The following SHANK2 variants were observed in gnomAD, a reference collection of about 807,000 sequenced individuals.
The protein encoded by SHANK2 is SH3 and multiple ankyrin repeat domains protein 2.
A neutral mutation model predicts 133.7 loss-of-function variants in SHANK2; 43 were observed. The ratio of observed to expected loss-of-function variants is 0.32; its 90% CI spans 0.25 to 0.41. SHANK2 has a LOEUF of 0.41. Among genes scored for constraint, SHANK2 ranks in the 10% least tolerant of loss-of-function variants. The probability of loss-of-function intolerance (pLI) is 1.00; values close to 1 mark genes in which losing one functional copy is unlikely to be tolerated. For missense variants in SHANK2, 1,994 were observed against 2,235.8 expected (o/e 0.89, Z 2.18); for synonymous variants, 1,017 against 952.8 (o/e 1.07, Z -1.24).
chr11:71,143,688 C>T (rs1357324667), intron 3 of SHANK2, among the ~76,000 whole-genome samples: 1 of 152,146 alleles, frequency 6.6e-6, no homozygotes, highest in Non-Finnish European at 1.5e-5. Flanking sequence ...CCACTGAGGC[C>T]TGCCTGAGAG....
Position 70,471,349 on chromosome 11 carries a change from T to C in SHANK2, c.*1520A>G, listed in dbSNP as rs571123287. 2.0e-5 allele frequency: 8 copies of C among 399,010 alleles called. No individual in the cohort carries two copies. The highest frequency in any genetic ancestry group is 1.8e-4 in the East Asian group (5 of 28,078). 24.7% of individuals were successfully genotyped at this position (399,010 alleles called of 1,614,324 possible). ...AATAATAAAACCAAAAACCTGACAT[T>C]CGAGTATCCTCCAAATGGGGGAGAA... is the stretch of plus-strand genomic sequence containing the variant. On this transcript the variant is annotated 3_prime_UTR_variant, in exon 26 of 26. Transcript: ENST00000601538. The surrounding 1 kb of genome is among the most constrained non-coding windows in gnomAD (Gnocchi z 4.1).
intron 17 of SHANK2, among the ~76,000 whole-genome samples, chr11:70,614,765 T>C (rs1353856261): frequency 6.6e-6 from 1 of 152,242 alleles, no homozygotes; most frequent in African/African-American, 2.4e-5. Context: ...TCTGCAGATC[T>C]CCAAGAGTCT....
intron 14 of SHANK2, among the ~76,000 whole-genome samples, chr11:70,795,411 T>TC (rs1273406679): frequency 1.4e-5 from 2 of 147,188 alleles, no homozygotes; most frequent in Admixed American, 6.8e-5. Context: ...CTTTTTCTTT[T>TC]TTTTTTTTTT....
In SHANK2 at chr11:70,807,650, T is replaced by C. The variant is rs147614086; in HGVS notation, c.1494-479A>G. Among the ~76,000 whole-genome samples, 1 of 152,004 alleles carries C rather than the reference T, an allele frequency of 6.6e-6. No individual in the cohort carries two copies. Among genetic ancestry groups the C allele is most frequent in the East Asian group, 1.9e-4 (1 of 5,154 alleles). On this transcript the variant is annotated intron_variant, in intron 12 of 25. Coordinates refer to ENST00000601538, the MANE Select transcript of SHANK2 (RefSeq NM_012309.5). The surrounding 1 kb of genome is among the most constrained non-coding windows in gnomAD (Gnocchi z 4.8). ...TTCGGGACCAGCACGGCCAACATGG[T>C]GAAACCTCGTTGGTACTAAAAATTC...
chr11:71,084,253 A>T (rs1299064447), intron 8 of SHANK2, among the ~76,000 whole-genome samples: 1 of 152,130 alleles, frequency 6.6e-6, no homozygotes, highest in Non-Finnish European at 1.5e-5. Context: ...TTACAGGCAT[A>T]AGCCACCGCA....
intron 21 of SHANK2, among the ~76,000 whole-genome samples, chr11:70,493,432 C>T (rs1189838856): frequency 7.5e-4 from 106 of 141,422 alleles, no homozygotes; most frequent in Admixed American, 1.3e-3. Context: ...TAGCAATTAA[C>T]AAAAGTTTTT....
chr11:70,582,623 C>T (rs1227151422), intron 17 of SHANK2, among the ~76,000 whole-genome samples: 2 of 152,198 alleles, frequency 1.3e-5, no homozygotes, highest in Non-Finnish European at 2.9e-5. Context: ...CTTCACAGGT[C>T]CTGGTGGGCA....
intron 14 of SHANK2, among the ~76,000 whole-genome samples, chr11:70,794,863 G>A (rs1263906244): frequency 6.6e-6 from 1 of 152,294 alleles, no homozygotes; most frequent in African/African-American, 2.4e-5. Flanking sequence ...GCCTGTGAAG[G>A]AAGGGTTTAA....
At chr11:70,606,119 T>C (rs1239651368) in intron 17 of SHANK2, among the ~76,000 whole-genome samples, 2 of 151,944 alleles carry the variant, frequency 1.3e-5, no homozygotes, top group Non-Finnish European at 2.9e-5. Flanking sequence ...AGCTGGAAGG[T>C]CATCCAGAGC....
intron 14 of SHANK2, among the ~76,000 whole-genome samples, chr11:70,769,933 G>A (rs1555042304): frequency 6.6e-6 from 1 of 152,198 alleles, no homozygotes; most frequent in East Asian, 1.9e-4. Flanking sequence ...TGCAGGTGCT[G>A]GAGGCTGAAG....
chr11:70,475,444 C>T (rs2058650623), intron 25 of SHANK2, among the ~76,000 whole-genome samples: 1 of 152,196 alleles, frequency 6.6e-6, no homozygotes, highest in Non-Finnish European at 1.5e-5. Flanking sequence ...GGCCCCGCTG[C>T]TGGTCTAGTC....
At chr11:70,660,392 C>T (rs929790128) in intron 16 of SHANK2, among the ~76,000 whole-genome samples, 3 of 152,220 alleles carry the variant, frequency 2.0e-5, no homozygotes, top group Non-Finnish European at 4.4e-5. Context: ...CAACTTGGAA[C>T]GCGGACGGAA....
At chr11:70,517,529 T>A (rs1591527986) in intron 17 of SHANK2, among the ~76,000 whole-genome samples, 4 of 152,076 alleles carry the variant, frequency 2.6e-5, no homozygotes, top group Admixed American at 2.0e-4. Flanking sequence ...TAGTTAGCAC[T>A]AAAAAGAAAT....
At chr11:70,876,247 C>T (rs146267199) in intron 11 of SHANK2, among the ~76,000 whole-genome samples, 2,922 of 126,790 alleles carry the variant, frequency 0.023, 99 homozygotes, top group African/African-American at 0.08. Context: ...CATATAGACA[C>T]ACACACACAC....
intron 2 of SHANK2, among the ~76,000 whole-genome samples, chr11:71,173,866 G>A (rs553343600): frequency 6.6e-6 from 1 of 152,346 alleles, no homozygotes; most frequent in African/African-American, 2.4e-5. Flanking sequence ...GTGGCCACAA[G>A]CCAAGGAACA....
At chr11:70,663,662 C>T (rs925064668) in intron 15 of SHANK2, among the ~76,000 whole-genome samples, 1 of 152,148 alleles carries the variant, frequency 6.6e-6, no homozygotes, top group Non-Finnish European at 1.5e-5. Context: ...GGTTCTGGCC[C>T]CTGACCTTCC....
At chr11:71,247,820 CCA>C (rs1954982593) in intron 1 of SHANK2, among the ~76,000 whole-genome samples, 3 of 152,288 alleles carry the variant, frequency 2.0e-5, no homozygotes, top group South Asian at 4.1e-4. Context: ...TGAGCTAACC[CCA>C]GAGTCGCTAC....
chr11:70,486,808 T>C lies in SHANK2; in HGVS notation c.3485A>G (p.Glu1162Gly), dbSNP rs2058814732. 6.2e-7 allele frequency: 1 copy of C among 1,612,234 alleles called. No individual in the cohort carries two copies. Among genetic ancestry groups the C allele is most frequent in the South Asian group, 1.1e-5 (1 of 91,088 alleles). ...EPENHFVGGA[E>G]ASAPGEAGRP... ...CCCAGCCTCACCCGGAGCACTGGCCTCGGCGCCACCCACGAAATGGTTTTC... is the reference window on the plus strand; with the variant it reads ...CCCAGCCTCACCCGGAGCACTGGCCCCGGCGCCACCCACGAAATGGTTTTC... The change falls in exon 25 of 26, where the codon GAG becomes GGG. Residue 1162 changes from glutamate to glycine, a missense_variant. Glu to Gly is a moderately conservative substitution (Grantham distance 98). This residue lies in a region of SHANK2 where 797 missense variants were observed against 907.4 expected (regional missense o/e 0.88). Coordinates refer to ENST00000601538, the MANE Select transcript of SHANK2 (RefSeq NM_012309.5). The surrounding 1 kb of genome is among the most constrained non-coding windows in gnomAD (Gnocchi z 8.0).
At chr11:70,901,818 C>T (rs1294484827) in intron 10 of SHANK2, among the ~76,000 whole-genome samples, 4 of 152,144 alleles carry the variant, frequency 2.6e-5, no homozygotes, top group African/African-American at 9.7e-5. Context: ...GGATGGATGT[C>T]AGACGTGGTG....
Sources: allele counts gnomAD v4.1 joint callset (sites outside exome capture counted in the v4.1 genomes callset), GRCh38; gene constraint gnomAD v4.1.1; regional missense constraint gnomAD v4.1.1; non-coding constraint Gnocchi (gnomAD v3.1); transcripts MANE v1.5; gene names NCBI Gene and HGNC (gene_info 2026-07-23, HGNC 2026-07-21).